GLI3: variants seen among roughly 807,000 people sequenced by gnomAD.
GLI3 encodes the protein transcription activator GLI3.
Under a neutral mutation model 100.8 loss-of-function variants are expected in GLI3, and 20 were observed. That is an observed-to-expected ratio of 0.20 (90% CI 0.14 to 0.29). GLI3 has a LOEUF of 0.29. Ranked by LOEUF, GLI3 falls within the 10% of genes least tolerant of loss-of-function variation. The probability of loss-of-function intolerance (pLI) is 1.00; values close to 1 mark genes in which losing one functional copy is unlikely to be tolerated. For missense variants in GLI3, 2,040 were observed against 2,128.5 expected (o/e 0.96, Z 0.82); for synonymous variants, 938 against 860.5 (o/e 1.09, Z -1.58).
chr7:42,179,572 A>C (rs1787550006), intron 2 of GLI3, among the ~76,000 whole-genome samples: 1 of 152,184 alleles, frequency 6.6e-6, no homozygotes, highest in South Asian at 2.1e-4. Flanking sequence ...TGTTGGTGCA[A>C]TCCAGGAAAG....
At chr7:42,052,423 G>A (rs1784370418) in intron 4 of GLI3, among the ~76,000 whole-genome samples, 1 of 152,300 alleles carries the variant, frequency 6.6e-6, no homozygotes, top group East Asian at 1.9e-4. Flanking sequence ...GTCACATGAG[G>A]TGGTTAAGAA....
At chr7:42,120,446 G>C (rs1785968039) in intron 3 of GLI3, among the ~76,000 whole-genome samples, 1 of 152,224 alleles carries the variant, frequency 6.6e-6, no homozygotes, top group South Asian at 2.1e-4. Flanking sequence ...TGAACTCCCA[G>C]CTGGGAAGGT....
intron 2 of GLI3, among the ~76,000 whole-genome samples, chr7:42,219,369 G>C (rs1213789089): frequency 1.3e-5 from 2 of 151,624 alleles, no homozygotes; most frequent in Non-Finnish European, 2.9e-5. Context: ...GATTACCAAA[G>C]GCTTTATATG....
intron 2 of GLI3, among the ~76,000 whole-genome samples, chr7:42,216,163 T>C (rs550988124): frequency 6.6e-6 from 1 of 152,302 alleles, no homozygotes; most frequent in East Asian, 1.9e-4. Flanking sequence ...ACACTAATGC[T>C]GTTACACATG....
At chr7:42,079,378 T>G (rs1187441191) in intron 3 of GLI3, among the ~76,000 whole-genome samples, 1 of 152,236 alleles carries the variant, frequency 6.6e-6, no homozygotes, top group Non-Finnish European at 1.5e-5. Flanking sequence ...TGACATATAC[T>G]AGTTTATGTT....
At chr7:42,203,648 T>A (rs553963455) in intron 2 of GLI3, among the ~76,000 whole-genome samples, 157 of 152,324 alleles carry the variant, frequency 1.0e-3, no homozygotes, top group African/African-American at 3.6e-3. Context: ...TGATTCTGTA[T>A]CTTGCCCATT....
At chr7:42,049,502 T>G (rs1361686436) in intron 4 of GLI3, among the ~76,000 whole-genome samples, 1 of 152,214 alleles carries the variant, frequency 6.6e-6, no homozygotes, top group Non-Finnish European at 1.5e-5. Context: ...GTTAGAAAGT[T>G]GGGGAAGAAT....
chr7:42,049,111 GA>G (rs1209063210), intron 4 of GLI3, among the ~76,000 whole-genome samples: 1 of 151,572 alleles, frequency 6.6e-6, no homozygotes, highest in Non-Finnish European at 1.5e-5. Context: ...ATAAAAATAA[GA>G]AAGAAAAGAA....
intron 13 of GLI3, among the ~76,000 whole-genome samples, chr7:41,968,745 AAAG>A (rs1212262841): frequency 8.9e-5 from 12 of 134,802 alleles, no homozygotes; most frequent in Admixed American, 8.4e-4. Context: ...AGAAAGAAAG[AAAG>A]AAAGAAAGAA....
chr7:42,052,146 G>A (rs1244558604), intron 4 of GLI3, among the ~76,000 whole-genome samples: 1 of 152,108 alleles, frequency 6.6e-6, no homozygotes, highest in Admixed American at 6.5e-5. Flanking sequence ...TTTTTTCAAA[G>A]TTCATTTCCT....
At chr7:42,049,325 C>A (rs1235871005) in intron 4 of GLI3, among the ~76,000 whole-genome samples, 1 of 152,152 alleles carries the variant, frequency 6.6e-6, no homozygotes. Flanking sequence ...CCCAGGGCCT[C>A]GCAGTGGTAA....
intron 2 of GLI3, chr7:42,222,875 C>T: frequency 6.9e-6 from 3 of 437,188 alleles, no homozygotes; most frequent in Non-Finnish European, 1.3e-5. Context: ...AAAACAGGAA[C>T]TTCTGATAAT....
At chr7:42,023,196 G>A (rs1248115847) in intron 10 of GLI3, among the ~76,000 whole-genome samples, 2 of 152,126 alleles carry the variant, frequency 1.3e-5, no homozygotes, top group Non-Finnish European at 2.9e-5. Flanking sequence ...CATCAAAGTC[G>A]CTAACTCAAA....
chr7:42,061,316 G>A (rs535577140), intron 4 of GLI3, among the ~76,000 whole-genome samples: 2 of 152,234 alleles, frequency 1.3e-5, no homozygotes, highest in East Asian at 3.9e-4. Context: ...CTTCTAGCTA[G>A]TATAAAGACT....
intron 1 of GLI3, among the ~76,000 whole-genome samples, chr7:42,225,187 T>C (rs1788559626): frequency 6.6e-6 from 1 of 152,204 alleles, no homozygotes; most frequent in South Asian, 2.1e-4. Flanking sequence ...CATCATTGTT[T>C]CTCACTTGGT....
At chr7:42,053,889 C>T (rs1363318852) in intron 4 of GLI3, among the ~76,000 whole-genome samples, 1 of 152,222 alleles carries the variant, frequency 6.6e-6, no homozygotes, top group African/African-American at 2.4e-5. Context: ...GCTGTCTGGG[C>T]ACCAGAGATT....
chr7:42,075,895 A>T (rs1240310020), intron 4 of GLI3, among the ~76,000 whole-genome samples: 1 of 152,256 alleles, frequency 6.6e-6, no homozygotes, highest in African/African-American at 2.4e-5. Flanking sequence ...TGTAACTAAT[A>T]GCCACGGAGA....
intron 10 of GLI3, among the ~76,000 whole-genome samples, chr7:41,985,651 T>G (rs1316702768): frequency 3.9e-5 from 6 of 152,212 alleles, no homozygotes; most frequent in African/African-American, 1.4e-4. Flanking sequence ...TCCACAAGAA[T>G]CCCTCAAAAC....
chr7:42,006,009 CT>C (rs1788450252), intron 10 of GLI3, among the ~76,000 whole-genome samples: 1 of 152,180 alleles, frequency 6.6e-6, no homozygotes, highest in Non-Finnish European at 1.5e-5. Context: ...ATGCATGTTT[CT>C]ACCATAAAGG....
Sources: allele counts gnomAD v4.1 joint callset (sites outside exome capture counted in the v4.1 genomes callset), GRCh38; gene constraint gnomAD v4.1.1; transcripts MANE v1.5; gene names NCBI Gene and HGNC (gene_info 2026-07-23, HGNC 2026-07-21).